The following TPTE variants were observed in gnomAD, a reference collection of about 807,000 sequenced individuals.
TPTE encodes transmembrane phosphatase with tensin homology.
In TPTE, 59 loss-of-function variants were observed where a neutral mutation model predicts 84.1. That is an observed-to-expected ratio of 0.70 (90% CI 0.57 to 0.87). The LOEUF (loss-of-function observed/expected upper bound fraction) is 0.87, where lower values mean the gene tolerates loss of function less well. Among genes scored for constraint, TPTE ranks in the 40% least tolerant of loss-of-function variants. TPTE has a pLI of 0.00. For missense variants in TPTE, 382 were observed against 659.6 expected (o/e 0.58, Z 4.61); for synonymous variants, 130 against 223.5 (o/e 0.58, Z 3.73).
chr21:10,579,107 A>T (rs1260440234), intron 17 of TPTE, among the ~76,000 whole-genome samples: 1 of 152,308 alleles, frequency 6.6e-6, no homozygotes, highest in African/African-American at 2.4e-5. Flanking sequence ...GTGTGAGAAC[A>T]TTTAAAATCT....
chr21:10,600,182 C>T (rs1450995715), intron 21 of TPTE, among the ~76,000 whole-genome samples: 1 of 151,640 alleles, frequency 6.6e-6, no homozygotes, highest in African/African-American at 2.4e-5. Flanking sequence ...TCTTGTTACC[C>T]AGGCTGGAGT....
At chr21:10,594,743 A>G (rs766803185) in intron 19 of TPTE, among the ~76,000 whole-genome samples, 5,600 of 144,034 alleles carry the variant, frequency 0.039, no homozygotes, top group Non-Finnish European at 0.058. Context: ...CTGCAACTGA[A>G]TCTCTTCTGA....
chr21:10,525,959 C>T (rs2074071024), intron 2 of TPTE, among the ~76,000 whole-genome samples: 1 of 152,306 alleles, frequency 6.6e-6, no homozygotes, highest in Non-Finnish European at 1.5e-5. Context: ...CAGTTCTCTT[C>T]CTCAGTAGAG....
At chr21:10,553,393 T>C (rs1039747698) in intron 8 of TPTE, among the ~76,000 whole-genome samples, 2 of 152,306 alleles carry the variant, frequency 1.3e-5, no homozygotes, top group African/African-American at 2.4e-5. Flanking sequence ...GGAAGTTAAC[T>C]CACCATGGTT....
At chr21:10,569,266 G>A (rs1246840744) in intron 11 of TPTE, among the ~76,000 whole-genome samples, 171 bp from the exon 12 acceptor site, 67 of 152,186 alleles carry the variant, frequency 4.4e-4, no homozygotes, top group Non-Finnish European at 7.1e-4. Flanking sequence ...ATGCACGCAC[G>A]CCAGTGGTGA....
intron 17 of TPTE, among the ~76,000 whole-genome samples, chr21:10,584,698 G>A (rs2075331255): frequency 6.6e-6 from 1 of 152,304 alleles, no homozygotes; most frequent in Non-Finnish European, 1.5e-5. Flanking sequence ...TGGATTTTAT[G>A]GTACACGATT....
intron 20 of TPTE, among the ~76,000 whole-genome samples, chr21:10,597,412 CTTTT>C (rs146272836): frequency 2.9e-5 from 4 of 139,908 alleles, no homozygotes; most frequent in East Asian, 2.1e-4. Context: ...TTTCTTTTTT[CTTTT>C]TTTTTTTTTT....
At chr21:10,582,531 CTT>C (rs2075288987) in intron 17 of TPTE, among the ~76,000 whole-genome samples, 1 of 152,308 alleles carries the variant, frequency 6.6e-6, no homozygotes, top group South Asian at 2.1e-4. Context: ...TATAGATTAA[CTT>C]GAGAGAAGTG....
At chr21:10,558,674 T>C (rs1490988242) in intron 8 of TPTE, among the ~76,000 whole-genome samples, 1 of 152,296 alleles carries the variant, frequency 6.6e-6, no homozygotes, top group Non-Finnish European at 1.5e-5. Context: ...TCATGGCTCT[T>C]GGGGTGGAAT....
At chr21:10,570,421 AT>A (rs1484936656) in intron 13 of TPTE, 63 bp from the exon 14 acceptor site, 24 of 1,577,648 alleles carry the variant, frequency 1.5e-5, no homozygotes, top group South Asian at 3.4e-5. Context: ...GTATAAATTA[AT>A]TTTTTTGTAT....
At chr21:10,550,652 G>C (rs2074555542) in intron 7 of TPTE, among the ~76,000 whole-genome samples, 1 of 152,240 alleles carries the variant, frequency 6.6e-6, no homozygotes, top group Non-Finnish European at 1.5e-5. Context: ...ATAAGAGTTG[G>C]GCACTTCCGT....
chr21:10,584,214 AT>A (rs1179918123), intron 17 of TPTE, among the ~76,000 whole-genome samples: 382 of 151,482 alleles, frequency 2.5e-3, no homozygotes, highest in African/African-American at 7.9e-3. Context: ...TTATTCTTAG[AT>A]TTTTTTTGTG....
chr21:10,579,381 T>A (rs1175143206), intron 17 of TPTE, among the ~76,000 whole-genome samples: 343 of 151,432 alleles, frequency 2.3e-3, no homozygotes, highest in African/African-American at 7.7e-3. Flanking sequence ...TCCCAGCTAC[T>A]CGGAAGGCTG....
At chr21:10,573,356 T>G (rs1387375600) in intron 14 of TPTE, among the ~76,000 whole-genome samples, 1 of 152,312 alleles carries the variant, frequency 6.6e-6, no homozygotes, top group Non-Finnish European at 1.5e-5. Flanking sequence ...GCAAATATTT[T>G]TAGGTCTAAA....
intron 2 of TPTE, among the ~76,000 whole-genome samples, chr21:10,525,765 G>A (rs576014354): frequency 3.9e-5 from 6 of 152,424 alleles, no homozygotes; most frequent in African/African-American, 1.4e-4. Flanking sequence ...TGTCCCATGA[G>A]GGAAGTCATT....
intron 20 of TPTE, among the ~76,000 whole-genome samples, chr21:10,596,399 T>C (rs1461994505): frequency 1.3e-4 from 20 of 152,410 alleles, no homozygotes; most frequent in African/African-American, 4.6e-4. Flanking sequence ...AGGGAGCCTC[T>C]GATGAGGGAG....
intron 4 of TPTE, among the ~76,000 whole-genome samples, chr21:10,539,449 T>C (rs2074327068): frequency 1.3e-5 from 2 of 152,306 alleles, no homozygotes; most frequent in African/African-American, 4.8e-5. Context: ...GACGGAGAGA[T>C]CCAGGAAGTG....
Position 10,561,189 on chromosome 21 carries a change from A to T in TPTE, c.444A>T (p.Glu148Asp). ...ATGTTCTTCTTCGAGTATTTGTAGA[A>T]AGGTAAGTTTGATTATTTTTATAAT... ...LMDVLLRVFV[E>D]RRQQYFSDLF... The change falls in exon 10 of 24, where the codon GAA becomes GAT. Residue 148 changes from glutamate to aspartate, a missense_variant and splice_region_variant. Glu to Asp is a conservative substitution (Grantham distance 45). This residue lies in a region of TPTE where 85 missense variants were observed against 230.9 expected (regional missense o/e 0.37). Coordinates refer to ENST00000618007, the MANE Select transcript of TPTE (RefSeq NM_199261.4). 1 of 1,611,328 alleles carries T rather than the reference A, an allele frequency of 6.2e-7. No individual in the cohort carries two copies. The highest frequency in any genetic ancestry group is 8.5e-7 in the Non-Finnish European group (1 of 1,179,706).
At chr21:10,566,519 AAAAGG>A (rs2074924721) in intron 10 of TPTE, among the ~76,000 whole-genome samples, 1 of 152,312 alleles carries the variant, frequency 6.6e-6, no homozygotes, top group South Asian at 2.1e-4. Context: ...ATACCCACAA[AAAAGG>A]AAATCACTAT....
Sources: allele counts gnomAD v4.1 joint callset (sites outside exome capture counted in the v4.1 genomes callset), GRCh38; gene constraint gnomAD v4.1.1; regional missense constraint gnomAD v4.1.1; transcripts MANE v1.5; gene names NCBI Gene and HGNC (gene_info 2026-07-23, HGNC 2026-07-21).